Variants in NBEA observed in about 807,000 individuals in gnomAD.
NBEA encodes lysosomal-trafficking regulator 2.
A neutral mutation model predicts 343.4 loss-of-function variants in NBEA; 44 were observed. The ratio of observed to expected loss-of-function variants is 0.13; its 90% CI spans 0.10 to 0.16. NBEA has a LOEUF of 0.16. NBEA is among the 10% of genes least tolerant of loss of function. NBEA has a pLI of 1.00. For synonymous variants in NBEA, 1,175 were observed against 1,238.7 expected (o/e 0.95, Z 1.08); for missense variants, 2,555 against 3,631.3 (o/e 0.70, Z 7.62).
intron 38 of NBEA, among the ~76,000 whole-genome samples, chr13:35,387,403 A>G (rs966824227): frequency 1.4e-5 from 2 of 146,270 alleles, no homozygotes; most frequent in African/African-American, 5.1e-5. Context: ...TTTTCTTTTT[A>G]TTTCCTTGAA....
chr13:35,344,639 T>C (rs2039771010), intron 36 of NBEA, among the ~76,000 whole-genome samples: 1 of 152,016 alleles, frequency 6.6e-6, no homozygotes, highest in Non-Finnish European at 1.5e-5. Context: ...CATTATACCA[T>C]TAAAATTACA....
chr13:35,080,314 A>G (rs914303940), intron 10 of NBEA, among the ~76,000 whole-genome samples: 1 of 152,168 alleles, frequency 6.6e-6, no homozygotes. Context: ...TAATGCATCC[A>G]GCATTTAGAA....
At chr13:35,439,442 A>G (rs1223593898) in intron 39 of NBEA, among the ~76,000 whole-genome samples, 1 of 152,198 alleles carries the variant, frequency 6.6e-6, no homozygotes, top group African/African-American at 2.4e-5. Flanking sequence ...CGGGGAGTAA[A>G]GGCAGAGGTC....
At chr13:35,561,825 G>T (rs887140393) in intron 44 of NBEA, among the ~76,000 whole-genome samples, 2 of 151,982 alleles carry the variant, frequency 1.3e-5, no homozygotes, top group Non-Finnish European at 2.9e-5. Flanking sequence ...GAAGTATCTT[G>T]CCAAAAGAAG....
chr13:35,408,120 G>A (rs909433985), intron 38 of NBEA, among the ~76,000 whole-genome samples: 14 of 152,082 alleles, frequency 9.2e-5, no homozygotes, highest in African/African-American at 1.9e-4. Flanking sequence ...ATACTACAGG[G>A]CTACAGTAAC....
chr13:34,980,848 T>G (rs982669484), intron 1 of NBEA, among the ~76,000 whole-genome samples: 1 of 152,170 alleles, frequency 6.6e-6, no homozygotes, highest in Non-Finnish European at 1.5e-5. Flanking sequence ...TTTTCTACAT[T>G]GATTGAAGTG....
At chr13:35,336,805 G>A (rs1350140614) in intron 36 of NBEA, among the ~76,000 whole-genome samples, 1 of 152,060 alleles carries the variant, frequency 6.6e-6, no homozygotes, top group Non-Finnish European at 1.5e-5. Flanking sequence ...TTTATAAGTG[G>A]GAGCTAAACA....
At chr13:35,411,647 T>TTTGTTG (rs145728162) in intron 38 of NBEA, among the ~76,000 whole-genome samples, 69 of 148,638 alleles carry the variant, frequency 4.6e-4, no homozygotes, top group Middle Eastern at 6.8e-3. Context: ...TGTTTTTTGT[T>TTTGTTG]TTGTTGTTGT....
intron 34 of NBEA, among the ~76,000 whole-genome samples, chr13:35,267,095 A>G (rs943972805): frequency 6.6e-6 from 1 of 151,962 alleles, no homozygotes; most frequent in African/African-American, 2.4e-5. Flanking sequence ...TTGCCTTTAC[A>G]TTGAGTAGGC....
intron 55 of NBEA, among the ~76,000 whole-genome samples, chr13:35,662,586 C>G (rs2085150972): frequency 6.6e-6 from 1 of 152,086 alleles, no homozygotes; most frequent in South Asian, 2.1e-4. Flanking sequence ...AAGAAGGAAA[C>G]AGTGCTTTCA....
At chr13:35,326,030 A>G (rs2038536172) in intron 36 of NBEA, among the ~76,000 whole-genome samples, 1 of 151,962 alleles carries the variant, frequency 6.6e-6, no homozygotes, top group African/African-American at 2.4e-5. Flanking sequence ...TGTTGTACCA[A>G]CAACACCATG....
chr13:34,967,291 T>C (rs1395130263), intron 1 of NBEA, among the ~76,000 whole-genome samples: 1 of 151,870 alleles, frequency 6.6e-6, no homozygotes, highest in African/African-American at 2.4e-5. Flanking sequence ...TCTGTGGTTT[T>C]TGTAGGCTTT....
chr13:35,247,242 C>T (rs1203334974), intron 34 of NBEA, among the ~76,000 whole-genome samples: 3 of 152,172 alleles, frequency 2.0e-5, no homozygotes, highest in Non-Finnish European at 2.9e-5. Context: ...AGGGCTTCTG[C>T]GTCTCCTGCC....
chr13:35,259,856 A>G (rs2033049001), intron 34 of NBEA, among the ~76,000 whole-genome samples: 1 of 152,172 alleles, frequency 6.6e-6, no homozygotes, highest in Non-Finnish European at 1.5e-5. Flanking sequence ...CATAACTTCA[A>G]TCAAAGAAAT....
At chr13:35,426,334 G>A (rs534316154) in intron 38 of NBEA, among the ~76,000 whole-genome samples, 2 of 152,230 alleles carry the variant, frequency 1.3e-5, no homozygotes, top group East Asian at 3.9e-4. Flanking sequence ...CTCTTTTAGG[G>A]CAGGCCTGGT....
At chr13:35,467,149 T>G (rs1464410817) in intron 40 of NBEA, among the ~76,000 whole-genome samples, 1 of 152,144 alleles carries the variant, frequency 6.6e-6, no homozygotes, top group Non-Finnish European at 1.5e-5. Flanking sequence ...GGAGAATGTT[T>G]TAGGGAAACT....
At chr13:35,649,531 T>C (rs902995293) in intron 51 of NBEA, 124 bp from the exon 52 acceptor site, 2 of 766,116 alleles carry the variant, frequency 2.6e-6, no homozygotes, top group Non-Finnish European at 4.3e-6. Context: ...AAAGTTTAGG[T>C]GGCTTTTCCT....
intron 34 of NBEA, among the ~76,000 whole-genome samples, chr13:35,284,838 A>G (rs1176538582): frequency 6.6e-6 from 1 of 152,148 alleles, no homozygotes; most frequent in East Asian, 1.9e-4. Flanking sequence ...TTTCAGATTA[A>G]AAAAGTAAAA....
chr13:35,442,206 C>G (rs183133729), intron 39 of NBEA, among the ~76,000 whole-genome samples: 11 of 152,172 alleles, frequency 7.2e-5, no homozygotes, highest in Non-Finnish European at 1.5e-5. Flanking sequence ...TGTATTTTAT[C>G]ATAGGGACCA....
Sources: gnomAD v4.1 joint callset for allele counts (sites outside exome capture counted in the v4.1 genomes callset) on GRCh38, gnomAD v4.1.1 for gene constraint, MANE v1.5 for transcripts, NCBI Gene and HGNC (gene_info 2026-07-23, HGNC 2026-07-21) for gene names.